The following RABGAP1 variants were observed in gnomAD, a reference collection of about 807,000 sequenced individuals.
RABGAP1 encodes rab GTPase-activating protein 1.
RABGAP1 carries 23 observed loss-of-function variants against 137.6 expected under a neutral mutation model. The observed-to-expected ratio is 0.17, with a 90% CI of 0.12 to 0.24. The LOEUF (loss-of-function observed/expected upper bound fraction) is 0.24, where lower values mean the gene tolerates loss of function less well. Among genes scored for constraint, RABGAP1 ranks in the 10% least tolerant of loss-of-function variants. The pLI is 1.00. For synonymous variants in RABGAP1, 451 were observed against 450.7 expected, an observed-to-expected ratio of 1.00 and a Z score of -0.01; for missense variants, 906 against 1,275.8, an observed-to-expected ratio of 0.71 and a Z score of 4.42.
At chr9:122,984,880 G>A (rs1374969769) in intron 3 of RABGAP1, among the ~76,000 whole-genome samples, 161 bp downstream of exon 3, 1 of 152,130 alleles carries the variant, frequency 6.6e-6, no homozygotes, top group African/African-American at 2.4e-5. Flanking sequence ...AAGGGGATGT[G>A]AGAGGAGTAA....
chr9:123,098,234 A>C (rs552373361), intron 22 of RABGAP1, among the ~76,000 whole-genome samples: 1 of 152,282 alleles, frequency 6.6e-6, no homozygotes, highest in South Asian at 2.1e-4. Flanking sequence ...TAGTCATTGG[A>C]GACACAGACC....
At chr9:122,961,092 A>G (rs1401002594) in intron 2 of RABGAP1, among the ~76,000 whole-genome samples, 1 of 152,154 alleles carries the variant, frequency 6.6e-6, no homozygotes, top group South Asian at 2.1e-4. Context: ...AAGAGAAATG[A>G]CTAGAAAAAA....
intron 15 of RABGAP1, among the ~76,000 whole-genome samples, chr9:123,072,799 C>T (rs933953741): frequency 3.9e-5 from 6 of 152,234 alleles, no homozygotes; most frequent in African/African-American, 1.4e-4. Flanking sequence ...CCTCCATCAT[C>T]TTGTTCCATA....
chr9:122,979,036 C>G (rs778406325), intron 2 of RABGAP1, among the ~76,000 whole-genome samples: 5 of 151,960 alleles, frequency 3.3e-5, no homozygotes, highest in Non-Finnish European at 7.4e-5. Context: ...GTAGCTGAGA[C>G]CAAGGTGTGT....
intron 1 of RABGAP1, among the ~76,000 whole-genome samples, chr9:122,951,994 G>C (rs1834276401): frequency 6.6e-6 from 1 of 152,180 alleles, no homozygotes; most frequent in Non-Finnish European, 1.5e-5. Context: ...TGGAGTTTTG[G>C]TATACGGGAC....
chr9:122,952,178 A>T (rs1834285777), intron 1 of RABGAP1, among the ~76,000 whole-genome samples: 1 of 152,184 alleles, frequency 6.6e-6, no homozygotes, highest in Non-Finnish European at 1.5e-5. Flanking sequence ...TTTAAAAGAG[A>T]GGTAAGGCTG....
intron 10 of RABGAP1, among the ~76,000 whole-genome samples, chr9:123,007,926 C>T (rs915306536): frequency 2.0e-5 from 3 of 148,352 alleles, no homozygotes; most frequent in Non-Finnish European, 3.0e-5. Flanking sequence ...TAATTTAAAA[C>T]CTATGTTTAA....
intron 24 of RABGAP1, among the ~76,000 whole-genome samples, chr9:123,100,118 T>A (rs1388714017): frequency 2.6e-5 from 4 of 152,162 alleles, no homozygotes; most frequent in Non-Finnish European, 5.9e-5. Flanking sequence ...TTGCGCCCAG[T>A]TTAGAACTTT....
chr9:123,085,675 A>G (rs1169614988), intron 19 of RABGAP1, among the ~76,000 whole-genome samples: 1 of 152,204 alleles, frequency 6.6e-6, no homozygotes, highest in African/African-American at 2.4e-5. Context: ...AATTCAATTA[A>G]AAGTTAAAAG....
chr9:122,966,030 C>CCTCAGTAATGCCATTTACTGAGA (rs1835128087), intron 2 of RABGAP1, among the ~76,000 whole-genome samples: 1 of 152,062 alleles, frequency 6.6e-6, no homozygotes, highest in Admixed American at 6.6e-5. Flanking sequence ...AATGGCATTA[C>CCTCAGTAATGCCATTTACTGAGA]CTCAGTAATG....
intron 19 of RABGAP1, among the ~76,000 whole-genome samples, chr9:123,082,422 A>G (rs925579934): frequency 7.2e-5 from 11 of 152,236 alleles, no homozygotes; most frequent in East Asian, 1.9e-4. Context: ...GGAGCCCCAC[A>G]GCCCTTTCAT....
chr9:122,995,274 C>A (rs1042611358), intron 6 of RABGAP1, among the ~76,000 whole-genome samples: 2 of 152,172 alleles, frequency 1.3e-5, no homozygotes, highest in Non-Finnish European at 2.9e-5. Flanking sequence ...ATATCTTCCT[C>A]ATTTCTATTA....
At chr9:123,096,076 T>G (rs13290629) in intron 21 of RABGAP1, among the ~76,000 whole-genome samples, 4,176 of 152,340 alleles carry the variant, frequency 0.027, 76 homozygotes, top group Non-Finnish European at 0.045. Flanking sequence ...CCAAATTGGT[T>G]GATAGTGCTC....
At chr9:122,995,943 G>A in intron 6 of RABGAP1, 98 bp from the exon 7 acceptor site, 1 of 1,475,440 alleles carries the variant, frequency 6.8e-7, no homozygotes, top group East Asian at 2.5e-5. Context: ...ACTAGGCACA[G>A]AAAAGAATCA....
chr9:123,092,051 G>GA (rs917751047), intron 21 of RABGAP1, among the ~76,000 whole-genome samples: 18 of 151,834 alleles, frequency 1.2e-4, no homozygotes, highest in Non-Finnish European at 1.8e-4. Flanking sequence ...AAAAGGAAAA[G>GA]AAAAAAAATA....
intron 15 of RABGAP1, 144 bp from the exon 16 acceptor site, chr9:123,073,408 T>G: frequency 1.0e-6 from 1 of 978,186 alleles, no homozygotes; most frequent in Non-Finnish European, 1.5e-6. Context: ...AAACACAACC[T>G]TAGGCCTGAG....
chr9:122,996,372 A>G (rs1404212547), intron 7 of RABGAP1, 167 bp from the exon 8 acceptor site: 2 of 1,086,500 alleles, frequency 1.8e-6, no homozygotes, highest in African/African-American at 3.2e-5. Flanking sequence ...GGCAAACGGA[A>G]TTAGCTGACC....
intron 10 of RABGAP1, among the ~76,000 whole-genome samples, chr9:123,000,946 A>G (rs1180875901): frequency 6.6e-6 from 1 of 152,122 alleles, no homozygotes; most frequent in African/African-American, 2.4e-5. Context: ...GTTTTACTCA[A>G]TAAAAGCCAA....
intron 23 of RABGAP1, among the ~76,000 whole-genome samples, chr9:123,099,219 G>T (rs184361994): frequency 8.9e-4 from 135 of 152,288 alleles, no homozygotes; most frequent in African/African-American, 2.9e-3. Flanking sequence ...GCTGGCTCAT[G>T]AGTCTGGCAG....
Sources: allele counts gnomAD v4.1 joint callset (sites outside exome capture counted in the v4.1 genomes callset), GRCh38; gene constraint gnomAD v4.1.1; transcripts MANE v1.5; gene names NCBI Gene and HGNC (gene_info 2026-07-23, HGNC 2026-07-21).